The following PAK5 variants were observed in gnomAD, a reference collection of about 807,000 sequenced individuals.
PAK5 encodes serine/threonine-protein kinase PAK 5.
In PAK5, 16 loss-of-function variants were observed where a neutral mutation model predicts 65.9. That is an observed-to-expected ratio of 0.24 (90% confidence interval 0.16 to 0.37). The LOEUF (loss-of-function observed/expected upper bound fraction) is 0.37. PAK5 is among the 10% of genes least tolerant of loss of function. The probability of loss-of-function intolerance (pLI) is 1.00; values close to 1 mark genes in which losing one functional copy is unlikely to be tolerated. For missense variants in PAK5, 785 were observed against 903.9 expected (o/e 0.87, Z 1.69); for synonymous variants, 371 against 354.9 (o/e 1.05, Z -0.51).
At chr20:9,647,299 G>A (rs975426588) in intron 2 of PAK5, among the ~76,000 whole-genome samples, 2 of 152,208 alleles carry the variant, frequency 1.3e-5, no homozygotes, top group African/African-American at 4.8e-5. Flanking sequence ...AAATTATTTA[G>A]TGAGCATAAA....
intron 1 of PAK5, among the ~76,000 whole-genome samples, chr20:9,766,115 G>A (rs947321371): frequency 2.0e-5 from 3 of 151,558 alleles, no homozygotes; most frequent in Non-Finnish European, 4.4e-5. Flanking sequence ...CCAGCTACTC[G>A]GGAGGCTGGG....
At chr20:9,583,027 ATC>A (rs2046007021) in intron 3 of PAK5, among the ~76,000 whole-genome samples, 1 of 152,094 alleles carries the variant, frequency 6.6e-6, no homozygotes, top group Admixed American at 6.5e-5. Flanking sequence ...TTCCCCCCAA[ATC>A]AGGCATTTCT....
chr20:9,812,995 T>TA (rs1011212746), intron 1 of PAK5, among the ~76,000 whole-genome samples: 2 of 151,988 alleles, frequency 1.3e-5, no homozygotes, highest in African/African-American at 4.8e-5. Context: ...AACTTAAAGC[T>TA]AAAAAATCTA....
intron 3 of PAK5, among the ~76,000 whole-genome samples, chr20:9,603,777 C>G (rs1463984484): frequency 1.3e-5 from 2 of 152,122 alleles, no homozygotes; most frequent in Non-Finnish European, 2.9e-5. Flanking sequence ...CCATAACAAC[C>G]GTATGAGATT....
At chr20:9,763,789 C>T (rs2048726491) in intron 1 of PAK5, among the ~76,000 whole-genome samples, 1 of 152,114 alleles carries the variant, frequency 6.6e-6, no homozygotes, top group South Asian at 2.1e-4. Flanking sequence ...CTAGATTCTT[C>T]AAAGATTAAC....
At chr20:9,835,204 G>A (rs535188456) in intron 1 of PAK5, among the ~76,000 whole-genome samples, 1 of 152,294 alleles carries the variant, frequency 6.6e-6, no homozygotes, top group African/African-American at 2.4e-5. Context: ...AGCACCTTCT[G>A]CATATAAGAC....
intron 1 of PAK5, among the ~76,000 whole-genome samples, chr20:9,820,201 A>G (rs1040079253): frequency 3.3e-5 from 5 of 152,210 alleles, no homozygotes; most frequent in Admixed American, 2.0e-4. Context: ...TAATCTATAG[A>G]AAATCTATTC....
intron 2 of PAK5, among the ~76,000 whole-genome samples, chr20:9,702,666 T>C (rs550151186): frequency 1.3e-5 from 2 of 152,268 alleles, no homozygotes; most frequent in African/African-American, 4.8e-5. Flanking sequence ...TCCCCTGTTA[T>C]CCAAACTGCA....
At chr20:9,570,721 C>T (rs528653769) in intron 4 of PAK5, among the ~76,000 whole-genome samples, 2 of 152,340 alleles carry the variant, frequency 1.3e-5, no homozygotes, top group South Asian at 4.1e-4. Context: ...CCTTGGAGGA[C>T]TGGCTCCTGT....
At chr20:9,629,619 C>A (rs377361721) in intron 3 of PAK5, among the ~76,000 whole-genome samples, 1 of 152,140 alleles carries the variant, frequency 6.6e-6, no homozygotes, top group Non-Finnish European at 1.5e-5. Context: ...CCACCATGAC[C>A]GAGCTCTTCC....
intron 3 of PAK5, among the ~76,000 whole-genome samples, chr20:9,625,265 T>A (rs1405974178): frequency 6.6e-6 from 1 of 152,232 alleles, no homozygotes; most frequent in African/African-American, 2.4e-5. Context: ...ATCCTGATGT[T>A]CTCACTCTCT....
In PAK5 at chr20:9,580,859, G is replaced by T; in HGVS notation, c.276C>A (p.Ile92=). The T allele has an allele frequency of 6.2e-7, 1 of 1,613,456 alleles. No homozygotes were observed. The highest frequency in any genetic ancestry group is 1.1e-5 in the South Asian group (1 of 91,052). The change falls in exon 4 of 10, where the codon ATC becomes ATA. Residue 92 remains isoleucine (I), a synonymous_variant. Transcript: ENST00000353224. ...TTAGGGAGTTGGAGCGAGTCACCGAGATGTTGTCAAAATCCTCTAGCAGGC... is the reference window on the plus strand; with the variant it reads ...TTAGGGAGTTGGAGCGAGTCACCGATATGTTGTCAAAATCCTCTAGCAGGC... ...INGLLEDFDN[I]SVTRSNSLRK...
At chr20:9,673,194 A>C (rs2123375299) in intron 2 of PAK5, among the ~76,000 whole-genome samples, 1 of 152,336 alleles carries the variant, frequency 6.6e-6, no homozygotes, top group East Asian at 1.9e-4. Context: ...CAGATGGAAG[A>C]AACCTGGCAC....
intron 1 of PAK5, among the ~76,000 whole-genome samples, chr20:9,748,094 A>G (rs2048529960): frequency 6.6e-6 from 1 of 152,132 alleles, no homozygotes; most frequent in South Asian, 2.1e-4. Context: ...CAATTGCTTC[A>G]AAGAGAATAA....
At chr20:9,767,638 G>A (rs900923370) in intron 1 of PAK5, among the ~76,000 whole-genome samples, 4 of 152,114 alleles carry the variant, frequency 2.6e-5, no homozygotes, top group Non-Finnish European at 5.9e-5. Flanking sequence ...TAAGCTTTCT[G>A]TAGAGTACCT....
At chr20:9,566,872 C>T (rs1039510041) in intron 4 of PAK5, among the ~76,000 whole-genome samples, 4 of 151,998 alleles carry the variant, frequency 2.6e-5, no homozygotes, top group Non-Finnish European at 5.9e-5. Flanking sequence ...AATGTTCTCA[C>T]CAAATAAGTA....
chr20:9,551,669 C>T (rs1194969853), intron 7 of PAK5, among the ~76,000 whole-genome samples: 1 of 152,186 alleles, frequency 6.6e-6, no homozygotes, highest in Non-Finnish European at 1.5e-5. Flanking sequence ...AAGGGGGCTA[C>T]TTGTGTGCCT....
intron 1 of PAK5, among the ~76,000 whole-genome samples, chr20:9,795,066 A>C (rs1335333446): frequency 6.6e-6 from 1 of 152,022 alleles, no homozygotes; most frequent in Non-Finnish European, 1.5e-5. Context: ...ACCCTCAGGC[A>C]TATGTTACAA....
chr20:9,592,414 G>A (rs1728663143), intron 3 of PAK5, among the ~76,000 whole-genome samples: 1 of 152,196 alleles, frequency 6.6e-6, no homozygotes, highest in Non-Finnish European at 1.5e-5. Flanking sequence ...GTTACCCCTA[G>A]GGGAAAGGTG....
Sources: allele counts gnomAD v4.1 joint callset (sites outside exome capture counted in the v4.1 genomes callset), GRCh38; gene constraint gnomAD v4.1.1; transcripts MANE v1.5; gene names NCBI Gene and HGNC (gene_info 2026-07-23, HGNC 2026-07-21).